The following BTBD7 variants were observed in gnomAD, a reference collection of about 807,000 sequenced individuals.
BTBD7 encodes BTB domain containing 7.
In BTBD7, 38 loss-of-function variants were observed where a neutral mutation model predicts 99.9. The ratio of observed to expected loss-of-function variants is 0.38; its 90% CI spans 0.29 to 0.50. The LOEUF (loss-of-function observed/expected upper bound fraction) is 0.50, where lower values mean the gene tolerates loss of function less well. Among genes scored for constraint, BTBD7 ranks in the 20% least tolerant of loss-of-function variants. BTBD7 has a pLI of 0.93. For missense variants in BTBD7, 1,170 were observed against 1,394.6 expected, an observed-to-expected ratio of 0.84 and a Z score of 2.57; for synonymous variants, 520 against 511.4, an observed-to-expected ratio of 1.02 and a Z score of -0.23.
At chr14:93,284,112 T>C (rs919967973) in intron 3 of BTBD7, among the ~76,000 whole-genome samples, 1 of 152,256 alleles carries the variant, frequency 6.6e-6, no homozygotes, top group African/African-American at 2.4e-5. Context: ...AGTTCTTTGA[T>C]CTAAATTATA....
intron 6 of BTBD7, 27 bp downstream of exon 6, chr14:93,257,168 A>T: frequency 6.3e-7 from 1 of 1,597,954 alleles, no homozygotes; most frequent in South Asian, 1.1e-5. Context: ...CTTTTCATGA[A>T]AGGAATACAT....
chr14:93,290,998 T>G (rs2052847186), intron 3 of BTBD7, among the ~76,000 whole-genome samples: 2 of 144,028 alleles, frequency 1.4e-5, no homozygotes, highest in African/African-American at 2.6e-5. Context: ...TTTTTTTTTT[T>G]TTTTTTTTTT....
chr14:93,274,918 A>G (rs2052639222), intron 3 of BTBD7, among the ~76,000 whole-genome samples: 1 of 152,168 alleles, frequency 6.6e-6, no homozygotes, highest in Admixed American at 6.5e-5. Flanking sequence ...AAAATTATTG[A>G]GCTTTGTGCA....
At chr14:93,251,858 TC>T (rs2052371225) in intron 7 of BTBD7, among the ~76,000 whole-genome samples, 2 of 152,208 alleles carry the variant, frequency 1.3e-5, no homozygotes, top group Admixed American at 6.5e-5. Flanking sequence ...GACACAACCA[TC>T]TTTTGAAAAG....
intron 1 of BTBD7, among the ~76,000 whole-genome samples, chr14:93,331,381 G>C (rs2053404647): frequency 1.3e-5 from 2 of 152,140 alleles, no homozygotes; most frequent in African/African-American, 4.8e-5. Flanking sequence ...TCTGGGTCTG[G>C]TTTCCCGGCT....
At chr14:93,320,781 T>C (rs943288621) in intron 1 of BTBD7, among the ~76,000 whole-genome samples, 69 of 152,084 alleles carry the variant, frequency 4.5e-4, no homozygotes. Flanking sequence ...GTTTAAAATA[T>C]GGGATACTTT....
rs1036467237 is a variant in BTBD7, at chr14:93,238,140, C to A, written c.*4133G>T. On this transcript the variant is annotated 3_prime_UTR_variant, in exon 11 of 11. Coordinates refer to ENST00000334746, the MANE Select transcript of BTBD7 (RefSeq NM_001002860.4). ...CTTAGACAGAACTCACATAAACACA[C>A]AAATACAAGAGGTTATTTTCAAGAC... The A allele has an allele frequency of 6.6e-6, 1 of 152,492 alleles. No homozygotes were observed. The highest frequency in any genetic ancestry group is 2.4e-5 in the African/African-American group (1 of 41,408). 9.4% of individuals were successfully genotyped at this position (152,492 alleles called of 1,614,324 possible). A position where few individuals can be genotyped will look rare whatever the true frequency, so the allele number is the denominator to read the frequency against.
At chr14:93,291,117 G>A (rs1195912395) in intron 3 of BTBD7, among the ~76,000 whole-genome samples, 1 of 151,040 alleles carries the variant, frequency 6.6e-6, no homozygotes, top group Non-Finnish European at 1.5e-5. Flanking sequence ...ACAGGTGTGA[G>A]CCACCACACC....
At chr14:93,308,708 A>G (rs2053100731) in intron 1 of BTBD7, among the ~76,000 whole-genome samples, 1 of 152,250 alleles carries the variant, frequency 6.6e-6, no homozygotes, top group African/African-American at 2.4e-5. Flanking sequence ...TGAAACACAG[A>G]TGAACCCTAA....
chr14:93,261,747 T>C (rs563556334), intron 4 of BTBD7, 70 bp from the exon 5 acceptor site: 1 of 1,147,604 alleles, frequency 8.7e-7, no homozygotes, highest in Non-Finnish European at 1.3e-6. Flanking sequence ...TAAGGACTTT[T>C]CGTAGGTGGG....
intron 1 of BTBD7, among the ~76,000 whole-genome samples, chr14:93,327,974 A>G (rs1374420286): frequency 1.3e-5 from 2 of 152,224 alleles, no homozygotes; most frequent in Non-Finnish European, 2.9e-5. Flanking sequence ...ATTCTTAAAC[A>G]TTAACAATGA....
At chr14:93,325,106 AT>A (rs34523849) in intron 1 of BTBD7, among the ~76,000 whole-genome samples, 8,307 of 105,444 alleles carry the variant, frequency 0.079, 180 homozygotes, top group Admixed American at 0.15. Flanking sequence ...GCATGCTCCA[AT>A]TTTTTTTTTT....
intron 1 of BTBD7, among the ~76,000 whole-genome samples, chr14:93,331,212 G>A (rs1482727978): frequency 1.3e-5 from 2 of 152,186 alleles, no homozygotes; most frequent in East Asian, 3.8e-4. Flanking sequence ...GATAGGGGTA[G>A]GTAGTGAATG....
rs996406802 is a variant in BTBD7, at chr14:93,238,875, A to G, written c.*3398T>C. 3.3e-5 allele frequency: 5 copies of G among 152,256 alleles called. No homozygotes were observed. Among genetic ancestry groups the G allele is most frequent in the African/African-American group, 9.6e-5 (4 of 41,470 alleles). The allele number at this position is 152,256 out of a possible 1,614,324, so 9.4% of individuals were successfully genotyped here. A position where few individuals can be genotyped will look rare whatever the true frequency, so the allele number is the denominator to read the frequency against. ...AACAACAAACCAAAACAAAAATCCA[A>G]TGAAGGATGGCAGATGCAATAAAAA... On this transcript the variant is annotated 3_prime_UTR_variant, in exon 11 of 11. Coordinates refer to ENST00000334746, the MANE Select transcript of BTBD7 (RefSeq NM_001002860.4).
At chr14:93,271,954 C>T (rs573385573) in intron 3 of BTBD7, among the ~76,000 whole-genome samples, 1 of 152,220 alleles carries the variant, frequency 6.6e-6, no homozygotes, top group East Asian at 1.9e-4. Context: ...TGCAGTGAGC[C>T]AAGAGATGCC....
intron 1 of BTBD7, 149 bp downstream of exon 1, chr14:93,332,671 C>T (rs2053460497): frequency 2.5e-6 from 3 of 1,209,408 alleles, no homozygotes; most frequent in Admixed American, 4.3e-5. Context: ...GGCCCCTCCC[C>T]GCCCGGCGCC....
chr14:93,310,152 C>T (rs1286443769), intron 1 of BTBD7, among the ~76,000 whole-genome samples: 3 of 152,122 alleles, frequency 2.0e-5, no homozygotes, highest in African/African-American at 7.2e-5. Flanking sequence ...TACCCAATCC[C>T]AGTAGAATAT....
intron 10 of BTBD7, among the ~76,000 whole-genome samples, chr14:93,243,544 C>A (rs1423073046): frequency 6.6e-6 from 1 of 152,188 alleles, no homozygotes; most frequent in Non-Finnish European, 1.5e-5. Flanking sequence ...AAAAAAATCA[C>A]TCCAACCTTT....
At chr14:93,320,233 A>G (rs975160911) in intron 1 of BTBD7, among the ~76,000 whole-genome samples, 42 of 152,342 alleles carry the variant, frequency 2.8e-4, no homozygotes, top group African/African-American at 9.6e-4. Flanking sequence ...GGAAAGCTGC[A>G]ATTTTCAACT....
Sources: gnomAD v4.1 joint callset for allele counts (sites outside exome capture counted in the v4.1 genomes callset) on GRCh38, gnomAD v4.1.1 for gene constraint, MANE v1.5 for transcripts, NCBI Gene and HGNC (gene_info 2026-07-23, HGNC 2026-07-21) for gene names.